Variants in DIP2C observed in about 807,000 individuals in gnomAD.
DIP2C encodes disco-interacting protein 2 homolog C.
Under a neutral mutation model 192.4 loss-of-function variants are expected in DIP2C, and 33 were observed. The ratio of observed to expected loss-of-function variants is 0.17; its 90% confidence interval spans 0.13 to 0.23. The LOEUF is 0.23. Ranked by LOEUF, DIP2C falls within the 10% of genes least tolerant of loss-of-function variation. The pLI is 1.00. For synonymous variants in DIP2C, 979 were observed against 864.1 expected (o/e 1.13, Z -2.33); for missense variants, 1,537 against 2,110.1 (o/e 0.73, Z 5.32).
At chr10:321,582 G>A (rs1400457993) in intron 31 of DIP2C, among the ~76,000 whole-genome samples, 1 of 144,560 alleles carries the variant, frequency 6.9e-6, no homozygotes, top group African/African-American at 2.8e-5. Flanking sequence ...CGGGGGTGCG[G>A]GGCTCCAGCG....
intron 1 of DIP2C, among the ~76,000 whole-genome samples, chr10:584,008 G>T (rs961844442): frequency 6.6e-6 from 1 of 152,156 alleles, no homozygotes; most frequent in Admixed American, 6.5e-5. Flanking sequence ...CCGTCTTTGT[G>T]ACCTCACTGA....
chr10:375,360 C>T lies in DIP2C; in HGVS notation c.1992-5727G>A, dbSNP rs979987141. On this transcript the variant is annotated intron_variant, in intron 17 of 36. Coordinates refer to ENST00000280886, the MANE Select transcript of DIP2C (RefSeq NM_014974.3). Reference sequence around the variant, plus strand: ...CATGATCATAAGCTTCCTGAGGCCTCACCAGGAGCTGAGTAGATGCTGGAG... The same window carrying T: ...CATGATCATAAGCTTCCTGAGGCCTTACCAGGAGCTGAGTAGATGCTGGAG... Among the ~76,000 whole-genome samples the T allele has an allele frequency of 2.6e-5, 4 of 152,338 alleles. No homozygotes were observed. In the South Asian group the frequency reaches 6.2e-4, roughly 24 times the overall value.
chr10:296,619 C>A (rs899440458), intron 32 of DIP2C, among the ~76,000 whole-genome samples: 2 of 152,056 alleles, frequency 1.3e-5, no homozygotes, highest in African/African-American at 2.4e-5. Flanking sequence ...TTCACAATAG[C>A]AAAGACTTGG....
chr10:384,467 A>AC lies in DIP2C; in HGVS notation c.1756+78dup, dbSNP rs1001173244. Reference sequence around the variant, plus strand: ...TGGCCCGGGTGGTCTGGAACTCCTGACCTCAGGTGATCCACCTGCTTTGGC... The same window carrying AC: ...TGGCCCGGGTGGTCTGGAACTCCTGACCCTCAGGTGATCCACCTGCTTTGGC... On this transcript the variant is annotated intron_variant, in intron 15 of 36. Transcript: ENST00000280886. 35 of 1,426,378 alleles carry AC rather than the reference A, an allele frequency of 2.5e-5. No individual in the cohort carries two copies. The African/African-American group carries it at 4.4e-4, about 18-fold the overall frequency. The allele number at this position is 1,426,378 out of a possible 1,614,324, so 88.4% of individuals were successfully genotyped here.
chr10:588,217 C>T (rs1851190555), intron 1 of DIP2C, among the ~76,000 whole-genome samples: 1 of 150,042 alleles, frequency 6.7e-6, no homozygotes, highest in African/African-American at 2.5e-5. Flanking sequence ...TGCCTCAGCC[C>T]TGACCCTGCG....
chr10:351,699 G>A (rs1487828949), intron 24 of DIP2C, among the ~76,000 whole-genome samples: 2 of 152,232 alleles, frequency 1.3e-5, no homozygotes, highest in Admixed American at 6.5e-5. Context: ...CAGGGCTGGA[G>A]TCCGGGAAAT....
chr10:377,174 T>C (rs1322887972), intron 17 of DIP2C, among the ~76,000 whole-genome samples: 2 of 151,824 alleles, frequency 1.3e-5, no homozygotes, highest in Admixed American at 6.6e-5. Context: ...AATATACTAT[T>C]TACAGATACT....
intron 29 of DIP2C, chr10:340,906 T>TAAG (rs1564581909): frequency 2.0e-6 from 1 of 502,714 alleles, no homozygotes; most frequent in Admixed American, 2.3e-5. Flanking sequence ...TTTACAGGCA[T>TAAG]AAGAACCAAG....
chr10:388,292 G>A (rs919376964), intron 13 of DIP2C, among the ~76,000 whole-genome samples: 2 of 152,148 alleles, frequency 1.3e-5, no homozygotes, highest in African/African-American at 2.4e-5. Flanking sequence ...AAGACGGGGA[G>A]GACAATCTAT....
intron 1 of DIP2C, among the ~76,000 whole-genome samples, chr10:511,611 G>T (rs963818582): frequency 7.2e-6 from 1 of 138,274 alleles, no homozygotes; most frequent in Non-Finnish European, 1.5e-5. Flanking sequence ...AACGTGGTGG[G>T]AGGTGGATCC....
chr10:628,410 T>C, intron 1 of DIP2C, among the ~76,000 whole-genome samples: 1 of 152,232 alleles, frequency 6.6e-6, no homozygotes, highest in East Asian at 1.9e-4. Flanking sequence ...TTTACAGCCA[T>C]TTACAGCCAT....
At chr10:446,121 T>C (rs1968179390) in intron 3 of DIP2C, among the ~76,000 whole-genome samples, 1 of 151,926 alleles carries the variant, frequency 6.6e-6, no homozygotes, top group Non-Finnish European at 1.5e-5. Context: ...TGGGCAACTG[T>C]ATACATCTGT....
rs568954928 is a variant in DIP2C at position 534,173 on chromosome 10, C to A, written c.86-47643G>T. Among the ~76,000 whole-genome samples the A allele has an allele frequency of 9.8e-5, 15 of 152,326 alleles. 1 individual carries two copies. In the East Asian group the frequency reaches 2.5e-3, roughly 26 times the overall value. On this transcript the variant is annotated intron_variant, in intron 1 of 36. Coordinates refer to ENST00000280886, the MANE Select transcript of DIP2C (RefSeq NM_014974.3). The stretch of plus-strand genomic sequence containing the variant: ...GCTTCTGCTGCTCAGGTAACAGCAA[C>A]CCTAGCTTCACAGGGCTCAGGCCTC...
In DIP2C at chr10:633,354, C is replaced by G. The variant is rs112123667; in HGVS notation, c.85+56140G>C. Among the ~76,000 whole-genome samples the G allele has an allele frequency of 4.5e-3, 683 of 152,280 alleles. 5 individuals are homozygous for G. The highest frequency in any genetic ancestry group is 0.015 in the African/African-American group (644 of 41,562). The stretch of plus-strand genomic sequence containing the variant: ...CAGGGCAACAGCGTTCACATTCCGG[C>G]GGTGCCATAGAGCAGACGGGGGGAG... On this transcript the variant is annotated intron_variant, in intron 1 of 36. Transcript: ENST00000280886.
intron 3 of DIP2C, 189 bp from the exon 4 acceptor site, chr10:441,185 A>G (rs531017332): frequency 3.0e-4 from 188 of 636,564 alleles, no homozygotes; most frequent in Non-Finnish European, 4.5e-4. Flanking sequence ...CAGACTTTTA[A>G]TCATTTATTT....
intron 1 of DIP2C, among the ~76,000 whole-genome samples, chr10:583,416 C>T (rs1041441137): frequency 6.6e-6 from 1 of 152,238 alleles, no homozygotes; most frequent in Admixed American, 6.5e-5. Flanking sequence ...CATTATCCTA[C>T]ATAAGGTCCT....
intron 2 of DIP2C, among the ~76,000 whole-genome samples, chr10:480,428 G>A (rs1002790634): frequency 2.0e-5 from 3 of 151,862 alleles, no homozygotes; most frequent in East Asian, 1.9e-4. Flanking sequence ...CTCACTGGAT[G>A]AGTCTCACCC....
intron 17 of DIP2C, among the ~76,000 whole-genome samples, chr10:373,129 C>A (rs1221360842): frequency 6.6e-6 from 1 of 152,216 alleles, no homozygotes; most frequent in African/African-American, 2.4e-5. Context: ...CAGAGCATAG[C>A]CCCTGCTGAC....
chr10:514,154 C>T (rs897862693), intron 1 of DIP2C, among the ~76,000 whole-genome samples: 10 of 152,206 alleles, frequency 6.6e-5, no homozygotes, highest in Admixed American at 2.0e-4. Context: ...CCCTGCCAGC[C>T]GCACAGCTGG....
Sources: gnomAD v4.1 joint callset for allele counts (sites outside exome capture counted in the v4.1 genomes callset) on GRCh38, gnomAD v4.1.1 for gene constraint, MANE v1.5 for transcripts, NCBI Gene and HGNC (gene_info 2026-07-23, HGNC 2026-07-21) for gene names.